Variants in TMEM74 observed in about 807,000 individuals in gnomAD.
TMEM74 encodes transmembrane protein 74.
TMEM74 carries 13 observed loss-of-function variants against 18.1 expected under a neutral mutation model. The ratio of observed to expected loss-of-function variants is 0.72; its 90% confidence interval spans 0.47 to 1.14. TMEM74 has a LOEUF of 1.14. Ranked by LOEUF, TMEM74 falls within the 50% of genes most tolerant of loss-of-function variation. The pLI, the probability that TMEM74 is intolerant of heterozygous loss-of-function variation, is 0.00. For synonymous variants in TMEM74, 159 were observed against 146.6 expected (o/e 1.08, Z -0.61); for missense variants, 372 against 375.9 (o/e 0.99, Z 0.09).
At chr8:108,733,630 A>G (rs1167424624) in intron 1 of TMEM74, among the ~76,000 whole-genome samples, 1 of 152,238 alleles carries the variant, frequency 6.6e-6, no homozygotes, top group Admixed American at 6.5e-5. Flanking sequence ...CTACTTTTGT[A>G]AAGAAGACCT....
chr8:108,698,128 A>G (rs2130612794), intron 1 of TMEM74, among the ~76,000 whole-genome samples: 1 of 152,268 alleles, frequency 6.6e-6, no homozygotes, highest in Middle Eastern at 3.4e-3. Flanking sequence ...TTTCACAGTA[A>G]TCTTTCAGAA....
intron 1 of TMEM74, among the ~76,000 whole-genome samples, chr8:108,668,738 GT>G (rs1812973679): frequency 6.6e-6 from 1 of 152,128 alleles, no homozygotes; most frequent in South Asian, 2.1e-4. Context: ...TATCGGGGAA[GT>G]TTGACTCTTA....
chr8:108,754,896 A>T (rs1331280234), intron 1 of TMEM74, among the ~76,000 whole-genome samples: 3 of 151,922 alleles, frequency 2.0e-5, no homozygotes, highest in Non-Finnish European at 4.4e-5. Context: ...AGTAAGGCAG[A>T]GGGGGCAATC....
intron 1 of TMEM74, among the ~76,000 whole-genome samples, chr8:108,699,326 T>C (rs1375200721): frequency 6.6e-6 from 1 of 151,796 alleles, no homozygotes; most frequent in African/African-American, 2.4e-5. Flanking sequence ...ATGTGTGCTA[T>C]GTGTATGTAT....
At chr8:108,657,362 A>G (rs1163324500) in intron 1 of TMEM74, among the ~76,000 whole-genome samples, 3 of 151,890 alleles carry the variant, frequency 2.0e-5, no homozygotes, top group Admixed American at 1.3e-4. Flanking sequence ...GAATTCAGAA[A>G]ATTGTCTGAT....
chr8:108,694,758 G>C (rs1029955834), intron 1 of TMEM74, among the ~76,000 whole-genome samples: 1 of 152,150 alleles, frequency 6.6e-6, no homozygotes, highest in South Asian at 2.1e-4. Flanking sequence ...GGATTTGACC[G>C]TACACAACTA....
chr8:108,627,831 T>G (rs1356474598), intron 2 of TMEM74, among the ~76,000 whole-genome samples: 1 of 152,016 alleles, frequency 6.6e-6, no homozygotes, highest in Non-Finnish European at 1.5e-5. Flanking sequence ...GGCGGATGTT[T>G]GACTTGAGGT....
chr8:108,662,210 A>T (rs544550555), intron 1 of TMEM74, among the ~76,000 whole-genome samples: 14 of 152,032 alleles, frequency 9.2e-5, no homozygotes, highest in Non-Finnish European at 1.9e-4. Flanking sequence ...AGAGGGAAAG[A>T]GAGAGACAAA....
chr8:108,634,857 G>T (rs1027667927), intron 2 of TMEM74, among the ~76,000 whole-genome samples: 1 of 152,016 alleles, frequency 6.6e-6, no homozygotes, highest in African/African-American at 2.4e-5. Context: ...TCAGAGTGAA[G>T]AAGTCAGCAT....
rs145073892 is a variant in TMEM74 at position 108,784,890 on chromosome 8, G to T, written c.209C>A (p.Ser70Tyr). 1.1e-5 allele frequency: 17 copies of T among 1,614,056 alleles called. No homozygotes were observed. The highest frequency in any genetic ancestry group is 1.7e-5 in the Admixed American group (1 of 59,998). ...LSSSPASPSS[S>Y]LQNSTLQPDA... The stretch of plus-strand genomic sequence containing the variant: ...TGGCTGAAGAGTACTGTTTTGCAGA[G>T]AGGAGGAGGGGGATGCTGGAGAAGA... The change falls in exon 2 of 2, where the codon TCT becomes TAT. Residue 70 changes from serine to tyrosine, a missense_variant. Physicochemically the swap from Ser to Tyr is moderately radical, Grantham distance 144. Transcript: ENST00000297459.
intron 1 of TMEM74, among the ~76,000 whole-genome samples, chr8:108,671,635 G>A (rs1340308388): frequency 3.3e-5 from 5 of 152,126 alleles, no homozygotes; most frequent in African/African-American, 1.2e-4. Flanking sequence ...AGGAAAGCTG[G>A]TGGGGTGGAG....
At chr8:108,657,853 AAAAAAAATATATATATATAT>A (rs1421680545) in intron 1 of TMEM74, among the ~76,000 whole-genome samples, 1 of 52,956 alleles carries the variant, frequency 1.9e-5, no homozygotes, top group Non-Finnish European at 3.3e-5. Context: ...AAAAAAAAAA[AAAAAAAATATATATATATAT>A]ATATATATAT....
At chr8:108,732,376 T>C (rs1424052562) in intron 1 of TMEM74, among the ~76,000 whole-genome samples, 1 of 152,128 alleles carries the variant, frequency 6.6e-6, no homozygotes, top group East Asian at 1.9e-4. Context: ...ATTCTCTTCA[T>C]CCCATGTGAG....
intron 1 of TMEM74, among the ~76,000 whole-genome samples, chr8:108,727,123 G>A (rs550719486): frequency 6.6e-6 from 1 of 152,182 alleles, no homozygotes; most frequent in South Asian, 2.1e-4. Context: ...GATCATCCAA[G>A]ATAGGAGAGG....
Position 108,718,249 on chromosome 8 carries a change from C to A in TMEM74, n.120-62812G>T, listed in dbSNP as rs112877711. Among the ~76,000 whole-genome samples the A allele has an allele frequency of 2.8e-5, 2 of 72,188 alleles. 1 individual carries two copies. Among genetic ancestry groups the A allele is most frequent in the East Asian group, 2.1e-3 (2 of 932 alleles). The allele number at this position is 72,188 out of a possible 152,430, so 47.4% of individuals were successfully genotyped here. A position where few individuals can be genotyped will look rare whatever the true frequency, so the allele number is the denominator to read the frequency against. Reference sequence around the variant, plus strand: ...CTGGGATTACAGGCGTGAGCCACCGCGCCCGGCCCTGACTTAGGTTTTAAA... The same window carrying A: ...CTGGGATTACAGGCGTGAGCCACCGAGCCCGGCCCTGACTTAGGTTTTAAA... On this transcript the variant is annotated intron_variant and non_coding_transcript_variant, in intron 1 of 3. Coordinates refer to the TMEM74 transcript ENST00000518838.
At chr8:108,616,003 T>G (rs1276415958) in intron 2 of TMEM74, among the ~76,000 whole-genome samples, 1 of 152,052 alleles carries the variant, frequency 6.6e-6, no homozygotes, top group Admixed American at 6.6e-5. Context: ...GCCAGGATGG[T>G]CTCAATCTCT....
At chr8:108,753,315 T>C (rs1813921001) in intron 1 of TMEM74, among the ~76,000 whole-genome samples, 1 of 152,108 alleles carries the variant, frequency 6.6e-6, no homozygotes, top group South Asian at 2.1e-4. Context: ...TATACTGAAA[T>C]TTGATGCCAG....
intron 2 of TMEM74, among the ~76,000 whole-genome samples, chr8:108,609,031 C>T (rs1244945266): frequency 6.6e-6 from 1 of 152,088 alleles, no homozygotes; most frequent in Non-Finnish European, 1.5e-5. Flanking sequence ...TTGTAAAACC[C>T]CATATTCACT....
At chr8:108,684,388 A>C (rs1042295471) in intron 1 of TMEM74, among the ~76,000 whole-genome samples, 2 of 151,630 alleles carry the variant, frequency 1.3e-5, no homozygotes, top group East Asian at 3.9e-4. Context: ...ATTTGAACCC[A>C]TTTATATGTC....
Sources: gnomAD v4.1 joint callset for allele counts (sites outside exome capture counted in the v4.1 genomes callset) on GRCh38, gnomAD v4.1.1 for gene constraint, MANE v1.5 for transcripts, NCBI Gene and HGNC (gene_info 2026-07-23, HGNC 2026-07-21) for gene names.